The following CSMD1 variants were observed in gnomAD, a reference collection of about 807,000 sequenced individuals.
The protein encoded by CSMD1 is CUB and sushi domain-containing protein 1.
A neutral mutation model predicts 417.5 loss-of-function variants in CSMD1; 213 were observed. That is an observed-to-expected ratio of 0.51 (90% confidence interval 0.46 to 0.57). The LOEUF is 0.57. Ranked by LOEUF, CSMD1 falls within the 20% of genes least tolerant of loss-of-function variation. CSMD1 has a pLI of 0.00. For missense variants in CSMD1, 6,923 were observed against 4,529.7 expected (o/e 1.53, Z -15.17); for synonymous variants, 2,862 against 1,736.8 (o/e 1.65, Z -16.11).
intron 23 of CSMD1, among the ~76,000 whole-genome samples, chr8:3,315,016 C>A (rs1485393547): frequency 6.6e-6 from 1 of 152,136 alleles, no homozygotes; most frequent in African/African-American, 2.4e-5. Context: ...ATTTTTGAAT[C>A]TCTGATATAT....
At chr8:3,565,410 A>G (rs1271605831) in intron 10 of CSMD1, among the ~76,000 whole-genome samples, 1 of 152,110 alleles carries the variant, frequency 6.6e-6, no homozygotes, top group Non-Finnish European at 1.5e-5. Context: ...TGTTATAGGA[A>G]AGGGTGGTGT....
chr8:4,447,854 G>T (rs1382705564), intron 2 of CSMD1, among the ~76,000 whole-genome samples: 1 of 152,132 alleles, frequency 6.6e-6, no homozygotes, highest in Non-Finnish European at 1.5e-5. Context: ...ACTTAAAAAA[G>T]TGTAAGTAGA....
At chr8:3,154,111 C>T (rs1003943873) in intron 39 of CSMD1, among the ~76,000 whole-genome samples, 8 of 152,124 alleles carry the variant, frequency 5.3e-5, no homozygotes, top group African/African-American at 9.7e-5. Context: ...GGATTACAGG[C>T]GCCCACAACT....
intron 5 of CSMD1, among the ~76,000 whole-genome samples, chr8:3,890,993 T>A (rs977091606): frequency 2.0e-5 from 3 of 152,076 alleles, no homozygotes; most frequent in Non-Finnish European, 4.4e-5. Context: ...GGACATTTTA[T>A]AGCTAAGGAA....
chr8:3,060,886 G>A (rs533183975), intron 49 of CSMD1, among the ~76,000 whole-genome samples: 102 of 152,254 alleles, frequency 6.7e-4, no homozygotes, highest in African/African-American at 2.4e-3. Flanking sequence ...GTGATGACAC[G>A]GCATTCCTCT....
At chr8:4,134,946 A>T (rs1452642918) in intron 3 of CSMD1, among the ~76,000 whole-genome samples, 1 of 151,940 alleles carries the variant, frequency 6.6e-6, no homozygotes, top group East Asian at 1.9e-4. Flanking sequence ...TCCTCAACCA[A>T]CACATCTGTT....
chr8:4,095,397 A>G (rs544513369), intron 3 of CSMD1, among the ~76,000 whole-genome samples: 1 of 143,142 alleles, frequency 7.0e-6, no homozygotes, highest in African/African-American at 2.8e-5. Flanking sequence ...AAAAAAGTAA[A>G]AAAGAAAAAA....
intron 50 of CSMD1, among the ~76,000 whole-genome samples, chr8:3,046,158 A>G (rs1770359045): frequency 6.6e-6 from 1 of 152,168 alleles, no homozygotes; most frequent in Non-Finnish European, 1.5e-5. Flanking sequence ...TTTGATTGCT[A>G]TGCTCACAAA....
chr8:3,041,717 T>A (rs1221786151), intron 50 of CSMD1, among the ~76,000 whole-genome samples: 1 of 152,224 alleles, frequency 6.6e-6, no homozygotes. Flanking sequence ...AAGATGAGGA[T>A]GCCAATCCAC....
chr8:4,039,305 A>T (rs1304531243), intron 3 of CSMD1, among the ~76,000 whole-genome samples: 1 of 152,140 alleles, frequency 6.6e-6, no homozygotes, highest in Non-Finnish European at 1.5e-5. Flanking sequence ...TTTCTATGTA[A>T]ACCAACGATA....
chr8:4,185,068 G>A (rs549689645), intron 3 of CSMD1, among the ~76,000 whole-genome samples: 7 of 150,512 alleles, frequency 4.7e-5, no homozygotes, highest in South Asian at 4.2e-4. Context: ...GAGCCTGGGA[G>A]GCAGAGGTTG....
At chr8:4,767,773 G>C (rs1050505345) in intron 1 of CSMD1, among the ~76,000 whole-genome samples, 1 of 152,116 alleles carries the variant, frequency 6.6e-6, no homozygotes, top group Non-Finnish European at 1.5e-5. Context: ...GCAATTATTT[G>C]CTTACTTAAG....
At chr8:3,937,406 G>T (rs557659823) in intron 5 of CSMD1, among the ~76,000 whole-genome samples, 1 of 152,254 alleles carries the variant, frequency 6.6e-6, no homozygotes, top group African/African-American at 2.4e-5. Flanking sequence ...TTAAGAAATT[G>T]CAAGTCACCT....
chr8:3,288,243 G>A lies in CSMD1; in HGVS notation c.3951-3897C>T, dbSNP rs1001013195. Among the ~76,000 whole-genome samples the A allele has an allele frequency of 4.8e-5, 7 of 147,228 alleles. 1 individual carries two copies. Among genetic ancestry groups the A allele is most frequent in the African/African-American group, 5.4e-5 (2 of 37,056 alleles). ...AGGATTTTTGCATCGATGTTCATCA[G>A]GGATATTGGTCTAAAGTTCTCTTTT... On this transcript the variant is annotated intron_variant, in intron 25 of 69. Coordinates refer to ENST00000635120, the MANE Select transcript of CSMD1 (RefSeq NM_033225.6).
intron 2 of CSMD1, among the ~76,000 whole-genome samples, chr8:4,631,396 T>TTA (rs1802504267): frequency 1.4e-5 from 2 of 144,874 alleles, no homozygotes; most frequent in African/African-American, 5.5e-5. Context: ...ATACCTTGGT[T>TTA]TGTTTTTTTT....
At chr8:4,184,467 G>A (rs564742381) in intron 3 of CSMD1, among the ~76,000 whole-genome samples, 1 of 152,090 alleles carries the variant, frequency 6.6e-6, no homozygotes, top group Admixed American at 6.5e-5. Flanking sequence ...AACCTCAAAG[G>A]CCACCAATGG....
intron 42 of CSMD1, 49 bp downstream of exon 42, chr8:3,118,350 T>C (rs755408585): frequency 7.9e-6 from 10 of 1,268,602 alleles, no homozygotes; most frequent in African/African-American, 1.5e-5. Context: ...TAATGTGCTA[T>C]TATGCCCATG....
At position 3,367,260 on chromosome 8, in the gene CSMD1, G is replaced by T; in HGVS notation, c.2900-13C>A. Reference sequence around the variant, plus strand: ...ATCATTTGAACTCCTGAGAAATGAAGCCGGGGGAGAGAGAGAGAGACAGAG... The same window carrying T: ...ATCATTTGAACTCCTGAGAAATGAATCCGGGGGAGAGAGAGAGAGACAGAG... On this transcript the variant is annotated splice_polypyrimidine_tract_variant and intron_variant, in intron 19 of 69. Transcript: ENST00000635120. 2 of 1,586,080 alleles carry T rather than the reference G, an allele frequency of 1.3e-6. No homozygotes were observed. Among genetic ancestry groups the T allele is most frequent in the Non-Finnish European group, 1.7e-6 (2 of 1,161,302 alleles).
intron 25 of CSMD1, among the ~76,000 whole-genome samples, chr8:3,307,429 T>A (rs1804961306): frequency 6.6e-6 from 1 of 152,012 alleles, no homozygotes; most frequent in South Asian, 2.1e-4. Context: ...TTTTTTCAGC[T>A]ACTAAATTTG....
Sources: gnomAD v4.1 joint callset for allele counts (sites outside exome capture counted in the v4.1 genomes callset) on GRCh38, gnomAD v4.1.1 for gene constraint, MANE v1.5 for transcripts, NCBI Gene and HGNC (gene_info 2026-07-23, HGNC 2026-07-21) for gene names.